ARSG: variants seen among roughly 807,000 people sequenced by gnomAD.
ARSG encodes arylsulfatase G.
In ARSG, 37 loss-of-function variants were observed where a neutral mutation model predicts 50.5. The ratio of observed to expected loss-of-function variants is 0.73; its 90% CI spans 0.56 to 0.96. The LOEUF is 0.96. Among genes scored for constraint, ARSG ranks in the 50% least tolerant of loss-of-function variants. The pLI is 0.00. For synonymous variants in ARSG, 225 were observed against 254.6 expected (o/e 0.88, Z 1.11); for missense variants, 629 against 675.3 (o/e 0.93, Z 0.76).
chr17:68,346,661 G>A (rs960603785), intron 3 of ARSG: 236 of 1,143,248 alleles, frequency 2.1e-4, no homozygotes, highest in Middle Eastern at 1.2e-3. Context: ...CTTGAACTGC[G>A]GGCTGCTGAT....
downstream of ARSG, among the ~76,000 whole-genome samples, chr17:68,426,873 T>C (rs1182461198): frequency 6.6e-6 from 1 of 152,196 alleles, no homozygotes; most frequent in Non-Finnish European, 1.5e-5. Context: ...TTAACACCAC[T>C]TGTTAGGAAA....
rs139392697 is a variant in ARSG, at chr17:68,325,852, C to T, written c.219-17752C>T. Among the ~76,000 whole-genome samples, 77 of 152,362 alleles carry T rather than the reference C, an allele frequency of 5.1e-4. 1 individual carries two copies. The highest frequency in any genetic ancestry group is 1.8e-3 in the African/African-American group (75 of 41,586). On this transcript the variant is annotated intron_variant, in intron 2 of 11. Transcript: ENST00000621439. ...TCAGAAAATTCCAAGTTTAAATTCA[C>T]AATAGCCCTGCTTGGCTCATGGGTC... is the stretch of plus-strand genomic sequence containing the variant.
intron 1 of ARSG, among the ~76,000 whole-genome samples, chr17:68,263,562 T>C (rs1189746512): frequency 6.6e-5 from 10 of 152,172 alleles, no homozygotes; most frequent in Admixed American, 6.5e-4. Context: ...CTCTGCCTTC[T>C]GGGCTCAAGT....
intron 9 of ARSG, among the ~76,000 whole-genome samples, chr17:68,391,662 C>G (rs758066769): frequency 6.6e-5 from 10 of 152,180 alleles, no homozygotes; most frequent in Non-Finnish European, 1.2e-4. Flanking sequence ...CTCGAGCAAA[C>G]AGCTCCAAAC....
chr17:68,329,488 C>T (rs543390058), intron 2 of ARSG, among the ~76,000 whole-genome samples: 18 of 152,312 alleles, frequency 1.2e-4, no homozygotes, highest in African/African-American at 4.1e-4. Context: ...CAGACAGAGC[C>T]CACATTGGAC....
intron 1 of ARSG, chr17:68,274,355 A>G (rs1404407914): frequency 8.4e-6 from 2 of 239,270 alleles, no homozygotes; most frequent in Non-Finnish European, 8.4e-6. Context: ...AGTCCCAGCT[A>G]CTTGGCAGGC....
intron 1 of ARSG, among the ~76,000 whole-genome samples, chr17:68,264,811 T>C (rs1188235311): frequency 6.6e-6 from 1 of 152,118 alleles, no homozygotes; most frequent in Non-Finnish European, 1.5e-5. Flanking sequence ...CTGAAACCTC[T>C]TGAAGTCAAC....
At chr17:68,336,079 A>G (rs1024980046) in intron 2 of ARSG, among the ~76,000 whole-genome samples, 2 of 151,520 alleles carry the variant, frequency 1.3e-5, no homozygotes, top group Non-Finnish European at 2.9e-5. Context: ...TTGTATTTTT[A>G]GTAGAGACGG....
In ARSG at chr17:68,284,935, G is replaced by A. The variant is rs892466280; in HGVS notation, c.-551-22008G>A. 8.6e-5 allele frequency among the ~76,000 whole-genome samples: 13 copies of A among 152,026 alleles called. 1 individual carries two copies. Among genetic ancestry groups the A allele is most frequent in the African/African-American group, 4.8e-5 (2 of 41,388 alleles). ...TCTCTTTGTACAACCCCATGTCCCC[G>A]GACCCTGCCTGTACCTTGTACACAG... On this transcript the variant is annotated intron_variant, in intron 1 of 11. Coordinates refer to the ARSG transcript ENST00000448504.
chr17:68,319,037 C>A (rs2077178191), intron 2 of ARSG, among the ~76,000 whole-genome samples: 1 of 152,178 alleles, frequency 6.6e-6, no homozygotes, highest in African/African-American at 2.4e-5. Context: ...AGATGCGAAC[C>A]AGGTTGGCAG....
At chr17:68,421,455 G>C, downstream of ARSG, 1 of 346,094 alleles carries the variant, frequency 2.9e-6, no homozygotes, top group Non-Finnish European at 5.4e-6. Context: ...TTTTTACACG[G>C]CATATATTTA....
chr17:68,386,437 A>T (rs749379881), intron 9 of ARSG, among the ~76,000 whole-genome samples: 4 of 152,186 alleles, frequency 2.6e-5, no homozygotes, highest in Non-Finnish European at 4.4e-5. Flanking sequence ...GGAGGAGGGG[A>T]GAGACTCAAA....
At chr17:68,317,745 A>G (rs1340718211) in intron 2 of ARSG, among the ~76,000 whole-genome samples, 1 of 152,214 alleles carries the variant, frequency 6.6e-6, no homozygotes, top group East Asian at 1.9e-4. Context: ...GCCAGAAGAT[A>G]ATTGAAATGA....
chr17:68,264,513 C>T (rs1158423349), intron 1 of ARSG, among the ~76,000 whole-genome samples: 2 of 151,976 alleles, frequency 1.3e-5, no homozygotes, highest in African/African-American at 4.8e-5. Context: ...AATCTTGGCT[C>T]ACCACAACCT....
Position 68,395,139 on chromosome 17 carries a change from T to G in ARSG, c.1158T>G (p.Phe386Leu). Residue 386 changes from phenylalanine to leucine, a missense_variant, in exon 10 of 12, where the codon TTT (phenylalanine) becomes TTG (leucine). Coordinates refer to ENST00000621439, the MANE Select transcript of ARSG (RefSeq NM_001267727.2). ...AQASLPQGRR[F>L]DGVDVSEVLF... Reference sequence around the variant, plus strand: ...CCAGCTTACCTCAAGGACGGCGCTTTGATGGTGTGGACGTCTCCGAGGTGC... The same window carrying G: ...CCAGCTTACCTCAAGGACGGCGCTTGGATGGTGTGGACGTCTCCGAGGTGC... The G allele has an allele frequency of 6.2e-7, 1 of 1,614,134 alleles. No homozygotes were observed. Among genetic ancestry groups the G allele is most frequent in the Non-Finnish European group, 8.5e-7 (1 of 1,179,966 alleles).
intron 1 of ARSG, among the ~76,000 whole-genome samples, chr17:68,301,508 A>G (rs2076415928): frequency 6.6e-6 from 1 of 152,108 alleles, no homozygotes. Flanking sequence ...TGCCCTAGGC[A>G]TTTTGCTTGT....
chr17:68,421,957 C>G, downstream of ARSG: 1 of 1,013,472 alleles, frequency 9.9e-7, no homozygotes. Context: ...TCTGAACTCG[C>G]TCATGGCCAC....
intron 6 of ARSG, among the ~76,000 whole-genome samples, chr17:68,366,679 G>A (rs1352567703): frequency 6.8e-6 from 1 of 148,044 alleles, no homozygotes; most frequent in African/African-American, 2.5e-5. Flanking sequence ...ATTTATGTAT[G>A]TGTGTGTGTG....
rs182268699 is a variant in ARSG, at chr17:68,392,696, C to T, written c.1092-2377C>T. ...TATATTTTTAGTAGAGACAGGGTTT[C>T]GCCATGTTGGCCAGGCTGGTCTCAA... is the stretch of plus-strand genomic sequence containing the variant. On this transcript the variant is annotated intron_variant, in intron 9 of 11. Transcript: ENST00000621439. Among the ~76,000 whole-genome samples the T allele has an allele frequency of 2.6e-3, 396 of 152,252 alleles. 1 individual carries two copies. Among genetic ancestry groups the T allele is most frequent in the Non-Finnish European group, 1.2e-3 (81 of 68,024 alleles).
Sources: allele counts gnomAD v4.1 joint callset (sites outside exome capture counted in the v4.1 genomes callset), GRCh38; gene constraint gnomAD v4.1.1; transcripts MANE v1.5; gene names NCBI Gene and HGNC (gene_info 2026-07-23, HGNC 2026-07-21).